TMEM87A: variants seen among roughly 807,000 people sequenced by gnomAD.
The protein encoded by TMEM87A is transmembrane protein 87A.
A neutral mutation model predicts 90.0 loss-of-function variants in TMEM87A; 50 were observed. The ratio of observed to expected loss-of-function variants is 0.56; its 90% CI spans 0.44 to 0.70. TMEM87A has a LOEUF of 0.70. Ranked by LOEUF, TMEM87A falls within the 30% of genes least tolerant of loss-of-function variation. TMEM87A has a pLI of 0.00. For missense variants in TMEM87A, 577 were observed against 660.5 expected, an observed-to-expected ratio of 0.87 and a Z score of 1.39; for synonymous variants, 226 against 226.7, an observed-to-expected ratio of 1.00 and a Z score of 0.03.
chr15:42,241,226 A>G (rs1264455725), intron 7 of TMEM87A, among the ~76,000 whole-genome samples: 2 of 152,228 alleles, frequency 1.3e-5, no homozygotes, highest in Admixed American at 6.5e-5. Flanking sequence ...AACATGAGTA[A>G]GATGTTTTCT....
chr15:42,226,575 AT>A (rs1187162720), intron 15 of TMEM87A: 20 of 446,768 alleles, frequency 4.5e-5, no homozygotes, highest in Admixed American at 1.5e-4. Context: ...GCTGGGTTTA[AT>A]TCCCCCTCAG....
chr15:42,268,824 C>G (rs2051456547), intron 2 of TMEM87A, among the ~76,000 whole-genome samples: 1 of 152,110 alleles, frequency 6.6e-6, no homozygotes, highest in African/African-American at 2.4e-5. Flanking sequence ...ATTAGGAATG[C>G]ATGTCACAAG....
intron 6 of TMEM87A, among the ~76,000 whole-genome samples, chr15:42,256,521 C>G (rs2051188196): frequency 6.6e-6 from 1 of 152,170 alleles, no homozygotes; most frequent in Non-Finnish European, 1.5e-5. Context: ...TCTTTCATTT[C>G]TTTTGACTAT....
At chr15:42,227,318 T>C (rs1356055776) in intron 14 of TMEM87A, among the ~76,000 whole-genome samples, 1 of 152,228 alleles carries the variant, frequency 6.6e-6, no homozygotes, top group Admixed American at 6.5e-5. Context: ...GAAGAAATCC[T>C]ACTGTCACAG....
Position 42,226,840 on chromosome 15 carries a change from T to C in TMEM87A, c.1369A>G (p.Met457Val). 1 of 1,614,096 alleles carries C rather than the reference T, an allele frequency of 6.2e-7. No homozygotes were observed. Among genetic ancestry groups the C allele is most frequent in the Non-Finnish European group, 8.5e-7 (1 of 1,180,026 alleles). ...TTTGCAGATGGTCGCCAGAGAACCATGATGACAAAGAGGATCATGGAGAAC... is the reference window on the plus strand; with the variant it reads ...TTTGCAGATGGTCGCCAGAGAACCACGATGACAAAGAGGATCATGGAGAAC... ...LLFSMILFVI[M>V]VLWRPSANNQ... is the part of the protein sequence containing the mutation. The change falls in exon 15 of 20, where the codon ATG becomes GTG. Residue 457 changes from methionine to valine, a missense_variant. Transcript: ENST00000389834.
At chr15:42,224,893 A>AG (rs1468592859) in intron 15 of TMEM87A, among the ~76,000 whole-genome samples, 2 of 152,170 alleles carry the variant, frequency 1.3e-5, no homozygotes, top group Admixed American at 6.5e-5. Context: ...TTAAAAGAAA[A>AG]GGGGGAAAAA....
At chr15:42,262,552 T>C (rs2051316534) in intron 4 of TMEM87A, among the ~76,000 whole-genome samples, 1 of 151,360 alleles carries the variant, frequency 6.6e-6, no homozygotes, top group Non-Finnish European at 1.5e-5. Flanking sequence ...GCCTCCCGAG[T>C]AGCTGGGATT....
At chr15:42,216,516 A>C (rs2140910507) in intron 19 of TMEM87A, among the ~76,000 whole-genome samples, 1 of 152,334 alleles carries the variant, frequency 6.6e-6, no homozygotes, top group Non-Finnish European at 1.5e-5. Flanking sequence ...TGAAGGGCAC[A>C]ATCAGGTTTC....
At chr15:42,259,121 C>A in intron 6 of TMEM87A, 1 of 638,566 alleles carries the variant, frequency 1.6e-6, no homozygotes, top group Admixed American at 2.8e-5. Flanking sequence ...AGCCACTAGG[C>A]AAAGGGGGTA....
intron 12 of TMEM87A, among the ~76,000 whole-genome samples, chr15:42,229,183 T>C (rs542471319): frequency 1.3e-5 from 2 of 152,060 alleles, no homozygotes; most frequent in Admixed American, 6.5e-5. Context: ...TTAAATTTTT[T>C]TGTAGAGATA....
chr15:42,221,001 G>A (rs574213139), intron 15 of TMEM87A, among the ~76,000 whole-genome samples: 6 of 152,128 alleles, frequency 3.9e-5, no homozygotes, highest in East Asian at 1.9e-4. Flanking sequence ...TTAGCTGGGC[G>A]TGGAGGTGCA....
At chr15:42,225,660 T>C (rs1027782242) in intron 15 of TMEM87A, among the ~76,000 whole-genome samples, 2 of 152,054 alleles carry the variant, frequency 1.3e-5, no homozygotes, top group Admixed American at 6.6e-5. Context: ...GCCTCCCGAG[T>C]AGCTGGGATT....
intron 3 of TMEM87A, among the ~76,000 whole-genome samples, chr15:42,265,356 A>G (rs987637005): frequency 3.9e-5 from 6 of 152,068 alleles, no homozygotes; most frequent in Admixed American, 3.9e-4. Context: ...TTTCTCCACA[A>G]CCTTGCCAGC....
chr15:42,249,984 T>G (rs944982595), intron 6 of TMEM87A, among the ~76,000 whole-genome samples: 1 of 152,224 alleles, frequency 6.6e-6, no homozygotes, highest in Non-Finnish European at 1.5e-5. Context: ...TTAGGATAGT[T>G]AGCTCTTCTT....
In TMEM87A at chr15:42,237,536, A is replaced by T; in HGVS notation, c.764T>A (p.Leu255His). Reference sequence around the variant, plus strand: ...ACCAATCCAAAACTGAATTCTCAGGAGATCTCTCCAGTAGCAGGCAGACCA... The same window carrying T: ...ACCAATCCAAAACTGAATTCTCAGGTGATCTCTCCAGTAGCAGGCAGACCA... ...LAWSACYWRDLLRIQFWIGAV... is the reference protein window; with the variant it reads ...LAWSACYWRDHLRIQFWIGAV... The change falls in exon 9 of 20, where the codon CTC becomes CAC. Residue 255 changes from leucine to histidine, a missense_variant. Physicochemically the swap from Leu to His is moderately conservative, Grantham distance 99 (BLOSUM62 -3). Transcript: ENST00000389834. The T allele has an allele frequency of 6.2e-7, 1 of 1,614,158 alleles. No individual in the cohort carries two copies. The highest frequency in any genetic ancestry group is 8.5e-7 in the Non-Finnish European group (1 of 1,180,036).
intron 14 of TMEM87A, among the ~76,000 whole-genome samples, chr15:42,227,287 A>G (rs1485982670): frequency 1.3e-5 from 2 of 152,204 alleles, no homozygotes; most frequent in Non-Finnish European, 1.5e-5. Context: ...ATTGAACAAA[A>G]TAAGAGCCTT....
At chr15:42,261,293 C>G (rs779093397) in intron 4 of TMEM87A, 44 bp from the exon 5 acceptor site, 1 of 1,555,758 alleles carries the variant, frequency 6.4e-7, no homozygotes, top group Non-Finnish European at 8.8e-7. Flanking sequence ...TGTGTAAATA[C>G]TAGAAGAAAA....
chr15:42,271,810 T>A (rs2051532600), intron 2 of TMEM87A, among the ~76,000 whole-genome samples: 2 of 150,656 alleles, frequency 1.3e-5, no homozygotes, highest in South Asian at 4.2e-4. Flanking sequence ...ATATATACAT[T>A]ATATATACTA....
intron 15 of TMEM87A, among the ~76,000 whole-genome samples, chr15:42,221,719 A>T (rs1349942892): frequency 6.6e-6 from 1 of 152,114 alleles, no homozygotes; most frequent in Non-Finnish European, 1.5e-5. Flanking sequence ...AAAAAATTTT[A>T]AAAATAAAGG....
Sources: gnomAD v4.1 joint callset for allele counts (sites outside exome capture counted in the v4.1 genomes callset) on GRCh38, gnomAD v4.1.1 for gene constraint, MANE v1.5 for transcripts, NCBI Gene and HGNC (gene_info 2026-07-23, HGNC 2026-07-21) for gene names.